Variants in NKAIN2 observed in about 807,000 individuals in gnomAD.
NKAIN2 encodes the protein sodium/potassium-transporting ATPase subunit beta-1-interacting protein 2.
A neutral mutation model predicts 32.6 loss-of-function variants in NKAIN2; 14 were observed. The observed-to-expected ratio is 0.43, with a 90% confidence interval of 0.28 to 0.67. NKAIN2 has a LOEUF of 0.67. NKAIN2 is among the 30% of genes least tolerant of loss of function. The pLI is 0.17. For synonymous variants in NKAIN2, 80 were observed against 87.2 expected, an observed-to-expected ratio of 0.92 and a Z score of 0.46; for missense variants, 198 against 258.3, an observed-to-expected ratio of 0.77 and a Z score of 1.60.
intron 1 of NKAIN2, among the ~76,000 whole-genome samples, chr6:124,128,403 A>T (rs1415678993): frequency 6.6e-6 from 1 of 152,206 alleles, no homozygotes; most frequent in Non-Finnish European, 1.5e-5. Flanking sequence ...AGTCACATGT[A>T]GTTATGGGCT....
intron 3 of NKAIN2, among the ~76,000 whole-genome samples, chr6:124,402,558 A>G (rs1191100730): frequency 6.6e-6 from 1 of 152,218 alleles, no homozygotes; most frequent in African/African-American, 2.4e-5. Flanking sequence ...TAGTCTCAAC[A>G]TATTCTTACT....
intron 2 of NKAIN2, among the ~76,000 whole-genome samples, chr6:124,331,577 T>TA (rs1432860081): frequency 6.6e-6 from 1 of 151,138 alleles, no homozygotes; most frequent in Non-Finnish European, 1.5e-5. Flanking sequence ...ATGACACTAT[T>TA]AAAGTACCAA....
chr6:124,380,520 A>G (rs1357847671), intron 3 of NKAIN2, among the ~76,000 whole-genome samples: 1 of 152,182 alleles, frequency 6.6e-6, no homozygotes, highest in Non-Finnish European at 1.5e-5. Flanking sequence ...CTGGATGTAG[A>G]CAACCTGATG....
intron 3 of NKAIN2, among the ~76,000 whole-genome samples, chr6:124,379,677 A>G (rs1407090703): frequency 2.0e-5 from 3 of 152,150 alleles, no homozygotes; most frequent in Non-Finnish European, 2.9e-5. Context: ...TATGATTACA[A>G]AACATCTCTA....
intron 1 of NKAIN2, among the ~76,000 whole-genome samples, chr6:124,060,591 A>G (rs972713027): frequency 1.8e-4 from 27 of 152,280 alleles, no homozygotes; most frequent in African/African-American, 6.3e-4. Context: ...CCGTTCGCCA[A>G]AATGTAAGTT....
chr6:124,349,987 C>T (rs1221857249), intron 2 of NKAIN2, among the ~76,000 whole-genome samples: 1 of 152,160 alleles, frequency 6.6e-6, no homozygotes, highest in Non-Finnish European at 1.5e-5. Flanking sequence ...ATTTTTCTCT[C>T]ATCACAGACA....
chr6:124,046,349 G>A (rs1047161188), intron 1 of NKAIN2, among the ~76,000 whole-genome samples: 1 of 151,870 alleles, frequency 6.6e-6, no homozygotes, highest in Non-Finnish European at 1.5e-5. Context: ...GAACACTAGT[G>A]TTCCACTAAA....
intron 2 of NKAIN2, among the ~76,000 whole-genome samples, chr6:124,296,191 A>G (rs1796048547): frequency 6.6e-6 from 1 of 152,060 alleles, no homozygotes; most frequent in African/African-American, 2.4e-5. Flanking sequence ...TGTATATTAG[A>G]GTATAATGAA....
intron 3 of NKAIN2, among the ~76,000 whole-genome samples, chr6:124,547,277 T>G (rs1780127414): frequency 6.7e-6 from 1 of 148,212 alleles, no homozygotes; most frequent in Non-Finnish European, 1.5e-5. Flanking sequence ...TATCACCAGG[T>G]TTTTTTTTTA....
intron 1 of NKAIN2, among the ~76,000 whole-genome samples, chr6:124,026,051 A>T (rs983578155): frequency 2.6e-5 from 4 of 152,140 alleles, no homozygotes; most frequent in African/African-American, 9.7e-5. Flanking sequence ...GCCTTGCTGA[A>T]GTTTCTTACT....
chr6:124,098,143 A>C (rs1471585548), intron 1 of NKAIN2, among the ~76,000 whole-genome samples: 1 of 152,204 alleles, frequency 6.6e-6, no homozygotes, highest in Non-Finnish European at 1.5e-5. Context: ...ATGCATCCTT[A>C]AAAAGATAAC....
chr6:124,110,053 A>G (rs1288999864), intron 1 of NKAIN2, among the ~76,000 whole-genome samples: 1 of 151,134 alleles, frequency 6.6e-6, no homozygotes, highest in Non-Finnish European at 1.5e-5. Context: ...ATTGGTGTGT[A>G]GTTTTCTTGT....
In NKAIN2 at chr6:124,369,917, G is replaced by A. The variant is rs1028697090; in HGVS notation, c.273+14570G>A. Among the ~76,000 whole-genome samples, 4 of 106,994 alleles carry A rather than the reference G, an allele frequency of 3.7e-5. No individual in the cohort carries two copies. In the East Asian group the frequency reaches 7.6e-4, roughly 20 times the overall value. 70.2% of individuals were successfully genotyped at this position (106,994 alleles called of 152,430 possible). ...TTTTTTTAACCTGTGGATTCACTCT[G>A]GGACAATTGATGCTTTGATGAAATA... is the stretch of plus-strand genomic sequence containing the variant. On this transcript the variant is annotated intron_variant, in intron 3 of 6. Transcript: ENST00000368417.
chr6:123,995,837 G>C (rs183273404), intron 1 of NKAIN2, among the ~76,000 whole-genome samples: 2 of 152,132 alleles, frequency 1.3e-5, no homozygotes, highest in Non-Finnish European at 2.9e-5. Context: ...CCAACAGAAC[G>C]AACTGACTGA....
intron 3 of NKAIN2, among the ~76,000 whole-genome samples, chr6:124,357,573 T>C (rs558665645): frequency 6.6e-6 from 1 of 152,248 alleles, no homozygotes; most frequent in African/African-American, 2.4e-5. Flanking sequence ...ATGGATCAGT[T>C]AGTTTGAGGC....
intron 2 of NKAIN2, among the ~76,000 whole-genome samples, chr6:124,289,896 G>A (rs892225162): frequency 6.6e-6 from 1 of 152,100 alleles, no homozygotes; most frequent in South Asian, 2.1e-4. Context: ...TGCAGCTAAA[G>A]CATTAACAAA....
At chr6:124,125,557 C>T (rs1786120161) in intron 1 of NKAIN2, among the ~76,000 whole-genome samples, 1 of 152,020 alleles carries the variant, frequency 6.6e-6, no homozygotes, top group Non-Finnish European at 1.5e-5. Flanking sequence ...TTAATATGGC[C>T]AATTATTATG....
chr6:123,921,976 A>G (rs1182771277), intron 1 of NKAIN2, among the ~76,000 whole-genome samples: 1 of 152,058 alleles, frequency 6.6e-6, no homozygotes, highest in Non-Finnish European at 1.5e-5. Flanking sequence ...AGAGAGTGAT[A>G]AATTGTTCAG....
chr6:124,146,628 G>C (rs1787420678), intron 1 of NKAIN2, among the ~76,000 whole-genome samples: 1 of 152,084 alleles, frequency 6.6e-6, no homozygotes. Context: ...GTTCACATTA[G>C]CATGAATAAC....
Sources: gnomAD v4.1 joint callset for allele counts (sites outside exome capture counted in the v4.1 genomes callset) on GRCh38, gnomAD v4.1.1 for gene constraint, MANE v1.5 for transcripts, NCBI Gene and HGNC (gene_info 2026-07-23, HGNC 2026-07-21) for gene names.